Variants in SH3BGRL observed in about 807,000 individuals in gnomAD.
SH3BGRL encodes the protein SH3 domain binding glutamate rich protein like.
Under a neutral mutation model 9.8 loss-of-function variants are expected in SH3BGRL, and 7 were observed. The ratio of observed to expected loss-of-function variants is 0.72; its 90% CI spans 0.41 to 1.35. SH3BGRL has a LOEUF of 1.35. SH3BGRL is among the 40% of genes most tolerant of loss of function. The pLI, the probability that SH3BGRL is intolerant of heterozygous loss-of-function variation, is 0.01. For synonymous variants in SH3BGRL, 36 were observed against 29.1 expected, an observed-to-expected ratio of 1.24 and a Z score of -0.76; for missense variants, 73 against 84.4, an observed-to-expected ratio of 0.86 and a Z score of 0.53.
chrX:81,276,183 A>T (rs1172359859), intron 1 of SH3BGRL, among the ~76,000 whole-genome samples: 3 of 110,147 alleles, frequency 2.7e-5, no homozygotes, highest in African/African-American at 9.9e-5. Context: ...AGAGAAACTG[A>T]ACTGAATAGT....
chrX:81,250,788 A>G (rs1199475094), intron 1 of SH3BGRL, among the ~76,000 whole-genome samples: 2 of 112,113 alleles, frequency 1.8e-5, no homozygotes, highest in East Asian at 5.6e-4. Context: ...CACAGTCATG[A>G]GCCACGTTTT....
intron 1 of SH3BGRL, among the ~76,000 whole-genome samples, chrX:81,268,882 T>C (rs1386118520): frequency 1.8e-5 from 2 of 111,897 alleles, no homozygotes; most frequent in Admixed American, 9.5e-5. Flanking sequence ...AAGAACTTGC[T>C]TTATGAATCT....
chrX:81,208,130 C>T (rs1048832694), intron 1 of SH3BGRL, among the ~76,000 whole-genome samples: 2 of 110,469 alleles, frequency 1.8e-5, no homozygotes, highest in African/African-American at 6.6e-5. Context: ...GGCGTGGTGG[C>T]GGGCACCTGT....
At chrX:81,272,774 C>T (rs1197132526) in intron 1 of SH3BGRL, among the ~76,000 whole-genome samples, 5 of 111,395 alleles carry the variant, frequency 4.5e-5, no homozygotes, top group African/African-American at 1.6e-4. Context: ...GCTGGGATTA[C>T]AGGCGTGAGC....
At chrX:81,223,020 G>T (rs1253062989) in intron 1 of SH3BGRL, among the ~76,000 whole-genome samples, 1 of 111,631 alleles carries the variant, frequency 9.0e-6, no homozygotes, top group Non-Finnish European at 1.9e-5. Context: ...TGATGGGGTT[G>T]TTTGTTTTTT....
At chrX:81,261,194 C>T (rs754328001) in intron 1 of SH3BGRL, among the ~76,000 whole-genome samples, 1 of 111,189 alleles carries the variant, frequency 9.0e-6, no homozygotes, top group Non-Finnish European at 1.9e-5. Context: ...TGAATTCCAG[C>T]CTTGACACCC....
intron 1 of SH3BGRL, among the ~76,000 whole-genome samples, chrX:81,212,266 G>T (rs181540529): frequency 2.7e-5 from 3 of 111,009 alleles, no homozygotes; most frequent in African/African-American, 6.5e-5. Context: ...GAATAAAGAT[G>T]TTAAATTTAA....
chrX:81,217,579 T>C (rs1297465697), intron 1 of SH3BGRL, among the ~76,000 whole-genome samples: 2 of 111,534 alleles, frequency 1.8e-5, no homozygotes, highest in African/African-American at 6.5e-5. Flanking sequence ...CCTTTTAGAG[T>C]GAATTTTCAA....
intron 1 of SH3BGRL, among the ~76,000 whole-genome samples, chrX:81,239,404 G>C (rs943600151): frequency 8.9e-6 from 1 of 112,308 alleles, no homozygotes; most frequent in Middle Eastern, 4.6e-3. Context: ...ATGCATCAGA[G>C]TTTTTTAATA....
At chrX:81,287,639 C>A (rs2075839434) in intron 3 of SH3BGRL, among the ~76,000 whole-genome samples, 1 of 110,555 alleles carries the variant, frequency 9.0e-6, no homozygotes, top group African/African-American at 3.3e-5. Context: ...ACATCACACA[C>A]CGGGACCTGT....
chrX:81,230,762 T>G (rs2075630613), intron 1 of SH3BGRL, among the ~76,000 whole-genome samples: 1 of 111,913 alleles, frequency 8.9e-6, no homozygotes, highest in South Asian at 3.7e-4. Context: ...TTCGTCCATA[T>G]AACATTCCCG....
intron 1 of SH3BGRL, among the ~76,000 whole-genome samples, chrX:81,224,588 A>G (rs2075610859): frequency 1.8e-5 from 2 of 111,576 alleles, no homozygotes; most frequent in Admixed American, 1.9e-4. Context: ...CCAAAACCAT[A>G]TAATTGGAGG....
chrX:81,293,144 C>A (rs1269068838), intron 3 of SH3BGRL, among the ~76,000 whole-genome samples: 2 of 111,951 alleles, frequency 1.8e-5, no homozygotes, highest in African/African-American at 6.5e-5. Context: ...GTCTTGTGAT[C>A]TGATAGTTTT....
chrX:81,284,822 A>G (rs1452063281), intron 3 of SH3BGRL, among the ~76,000 whole-genome samples: 1 of 110,921 alleles, frequency 9.0e-6, no homozygotes, highest in African/African-American at 3.3e-5. Flanking sequence ...AAACAGACAA[A>G]TAAATAAAAA....
intron 3 of SH3BGRL, 86 bp from the exon 4 acceptor site, chrX:81,297,109 G>C: frequency 1.3e-6 from 1 of 754,011 alleles, no homozygotes; most frequent in Middle Eastern, 3.9e-4. Flanking sequence ...CTTAGTAGTT[G>C]GAACTAATGT....
At chrX:81,223,850 A>G (rs2075608469) in intron 1 of SH3BGRL, among the ~76,000 whole-genome samples, 1 of 111,021 alleles carries the variant, frequency 9.0e-6, no homozygotes, top group Non-Finnish European at 1.9e-5. Flanking sequence ...CTGACTGATT[A>G]AAAAAAACTT....
intron 1 of SH3BGRL, among the ~76,000 whole-genome samples, chrX:81,242,056 C>T (rs1273180371): frequency 8.0e-5 from 9 of 112,418 alleles, no homozygotes; most frequent in Admixed American, 5.6e-4. Flanking sequence ...CATGCTGAAC[C>T]GAGTGGGCGG....
At chrX:81,229,930 C>G (rs1268235080) in intron 1 of SH3BGRL, among the ~76,000 whole-genome samples, 2 of 111,732 alleles carry the variant, frequency 1.8e-5, no homozygotes, top group East Asian at 5.6e-4. Flanking sequence ...ACAACCTTTC[C>G]TTCCCAGCGC....
chrX:81,279,979 G>A (rs1191729644), intron 3 of SH3BGRL, among the ~76,000 whole-genome samples: 2 of 111,401 alleles, frequency 1.8e-5, no homozygotes, highest in Admixed American at 9.5e-5. Flanking sequence ...AACAGACTCA[G>A]GGCTGTTGGA....
Sources: allele counts gnomAD v4.1 joint callset (sites outside exome capture counted in the v4.1 genomes callset), GRCh38; gene constraint gnomAD v4.1.1; transcripts MANE v1.5; gene names NCBI Gene and HGNC (gene_info 2026-07-23, HGNC 2026-07-21).